The following ESR1 variants were observed in gnomAD, a reference collection of about 807,000 sequenced individuals.
ESR1 encodes the protein estrogen receptor.
ESR1 carries 12 observed loss-of-function variants against 52.7 expected under a neutral mutation model. The ratio of observed to expected loss-of-function variants is 0.23; its 90% confidence interval spans 0.15 to 0.37. ESR1 has a LOEUF of 0.37. Among genes scored for constraint, ESR1 ranks in the 10% least tolerant of loss-of-function variants. ESR1 has a pLI of 1.00. For missense variants in ESR1, 584 were observed against 779.7 expected, an observed-to-expected ratio of 0.75 and a Z score of 2.99; for synonymous variants, 305 against 316.8, an observed-to-expected ratio of 0.96 and a Z score of 0.39.
At position 152,098,963 on chromosome 6, in the gene ESR1, C is replaced by T; in HGVS notation, c.1785C>T (p.Val595=). The T allele has an allele frequency of 6.2e-7, 1 of 1,611,880 alleles. No homozygotes were observed. ...TGEAEGFPAT[V] ...AGGCAGAGGGTTTCCCTGCCACGGT[C>T]TGAGAGCTCCCTGGCTCCCACACGG... The change falls in exon 8 of 8, where the codon GTC becomes GTT. Residue 595 remains valine, a synonymous_variant. Transcript: ENST00000206249. The surrounding 1 kb of genome is among the most constrained non-coding windows in gnomAD (Gnocchi z 5.1).
chr6:152,092,840 AG>A (rs1318503184), intron 6 of ESR1, among the ~76,000 whole-genome samples: 1 of 152,154 alleles, frequency 6.6e-6, no homozygotes, highest in African/African-American at 2.4e-5. Context: ...CCTTGGGTTG[AG>A]GTCTCAACTT....
intron 2 of ESR1, among the ~76,000 whole-genome samples, chr6:151,850,250 T>C (rs1301217954): frequency 2.7e-5 from 4 of 150,068 alleles, no homozygotes; most frequent in African/African-American, 9.8e-5. Context: ...GGTGAAGTTA[T>C]ACTGTGGTGT....
intron 1 of ESR1, among the ~76,000 whole-genome samples, chr6:151,820,582 T>G (rs1440176686): frequency 6.6e-6 from 1 of 152,194 alleles, no homozygotes; most frequent in African/African-American, 2.4e-5. Context: ...ATTTGGACTC[T>G]GGAGCTTAAG....
chr6:152,058,502 C>G (rs956987819), intron 5 of ESR1, among the ~76,000 whole-genome samples: 2 of 152,202 alleles, frequency 1.3e-5, no homozygotes, highest in African/African-American at 2.4e-5. Flanking sequence ...TAAAGGTGAT[C>G]CTTACTGTGT....
intron 2 of ESR1, among the ~76,000 whole-genome samples, chr6:151,784,640 C>G (rs1054096504): frequency 6.6e-6 from 1 of 152,180 alleles, no homozygotes; most frequent in African/African-American, 2.4e-5. Flanking sequence ...GAATACCTTT[C>G]CCATTCCTGC....
chr6:151,834,615 G>C (rs1037980760), intron 1 of ESR1, among the ~76,000 whole-genome samples: 1 of 152,012 alleles, frequency 6.6e-6, no homozygotes, highest in Non-Finnish European at 1.5e-5. Context: ...GGGCTGATGG[G>C]TGCAGCAAAC....
chr6:152,050,329 A>G (rs2046579865), intron 5 of ESR1, among the ~76,000 whole-genome samples: 1 of 152,188 alleles, frequency 6.6e-6, no homozygotes, highest in Non-Finnish European at 1.5e-5. Context: ...ACCATTCTTA[A>G]GGTAATGGAC....
At chr6:151,716,469 G>A (rs550563765) in intron 2 of ESR1, among the ~76,000 whole-genome samples, 93 of 152,322 alleles carry the variant, frequency 6.1e-4, no homozygotes, top group African/African-American at 2.0e-3. Context: ...CCAGGGAGAT[G>A]GGAGTTTTAT....
chr6:151,728,869 A>G (rs1782035318), intron 2 of ESR1, among the ~76,000 whole-genome samples: 1 of 152,240 alleles, frequency 6.6e-6, no homozygotes, highest in Non-Finnish European at 1.5e-5. Flanking sequence ...TGTGAACCAC[A>G]TAAACCAGTA....
At chr6:152,115,968 G>T (rs1174026759) in intron 6 of ESR1, among the ~76,000 whole-genome samples, 2 of 152,130 alleles carry the variant, frequency 1.3e-5, no homozygotes, top group South Asian at 4.2e-4. Context: ...ATGGCCTGGG[G>T]TTCTACATTT....
intron 2 of ESR1, among the ~76,000 whole-genome samples, chr6:151,716,752 T>C (rs1239263429): frequency 6.6e-6 from 1 of 152,182 alleles, no homozygotes; most frequent in African/African-American, 2.4e-5. Context: ...AGCTCATGGA[T>C]CTTAGCTTGC....
chr6:151,853,203 A>AAAAAG (rs1562478896), intron 2 of ESR1, among the ~76,000 whole-genome samples: 3 of 149,144 alleles, frequency 2.0e-5, no homozygotes, highest in African/African-American at 7.5e-5. Flanking sequence ...AAAAAAGAGA[A>AAAAAG]AGAAAGAAAG....
At position 152,061,553 on chromosome 6, in the gene ESR1, A is replaced by C. The variant is rs9341019; in HGVS notation, c.1369+429A>C. ...TGAGACAGACCATGTTTCTGGTCAA[A>C]ACTGACTAGCTAAAAATATAGTTGG... On this transcript the variant is annotated intron_variant, in intron 6 of 7. Transcript: ENST00000206249. The surrounding 1 kb of genome is among the most constrained non-coding windows in gnomAD (Gnocchi z 4.3). 0.034 allele frequency among the ~76,000 whole-genome samples: 5,232 copies of C among 152,330 alleles called. 146 individuals are homozygous for C. Among genetic ancestry groups the C allele is most frequent in the Non-Finnish European group, 0.058 (3,924 of 68,018 alleles).
chr6:151,682,005 G>A (rs1207771598), intron 1 of ESR1, among the ~76,000 whole-genome samples: 1 of 152,198 alleles, frequency 6.6e-6, no homozygotes, highest in Non-Finnish European at 1.5e-5. Context: ...AAACTGAAAA[G>A]TTAAAACATC....
Position 151,964,646 on chromosome 6 carries a change from C to CT in ESR1, c.1096+20151dup, listed in dbSNP as rs57659292. 3.4e-4 allele frequency among the ~76,000 whole-genome samples: 49 copies of CT among 143,246 alleles called. 1 individual carries two copies. The East Asian group carries it at 5.9e-3, about 17-fold the overall frequency. The allele number at this position is 143,246 out of a possible 152,430, so 94.0% of individuals were successfully genotyped here. ...ACAATTTCATTTCCCTATTTTCTTT[C>CT]TTTTTTTTTTTTTGAGATGGAGTCT... On this transcript the variant is annotated intron_variant, in intron 4 of 7. Transcript: ENST00000206249.
chr6:151,797,827 A>C (rs990323570), intron 2 of ESR1, among the ~76,000 whole-genome samples: 9 of 152,202 alleles, frequency 5.9e-5, no homozygotes, highest in African/African-American at 2.2e-4. Context: ...GCATGGCGCT[A>C]TGTCCTCCCA....
chr6:152,031,839 A>T (rs2044739510), intron 5 of ESR1, among the ~76,000 whole-genome samples: 1 of 152,194 alleles, frequency 6.6e-6, no homozygotes, highest in African/African-American at 2.4e-5. Context: ...CACAACAAAA[A>T]AAGAGAATTT....
chr6:152,123,893 TTTCTG>T (rs2052363662), intron 6 of ESR1, among the ~76,000 whole-genome samples: 1 of 152,210 alleles, frequency 6.6e-6, no homozygotes, highest in African/African-American at 2.4e-5. Context: ...TACCTATTAA[TTTCTG>T]AAGACAGACT....
intron 2 of ESR1, among the ~76,000 whole-genome samples, chr6:151,850,468 A>G (rs1265852683): frequency 6.6e-6 from 1 of 151,630 alleles, no homozygotes; most frequent in Non-Finnish European, 1.5e-5. Flanking sequence ...GGAGAAAGAA[A>G]GAGAGGAGAC....
Sources: allele counts gnomAD v4.1 joint callset (sites outside exome capture counted in the v4.1 genomes callset), GRCh38; gene constraint gnomAD v4.1.1; non-coding constraint Gnocchi (gnomAD v3.1); transcripts MANE v1.5; gene names NCBI Gene and HGNC (gene_info 2026-07-23, HGNC 2026-07-21).